The following UNC5D variants were observed in gnomAD, a reference collection of about 807,000 sequenced individuals.
UNC5D encodes netrin receptor UNC5D.
In UNC5D, 39 loss-of-function variants were observed where a neutral mutation model predicts 105.4. The observed-to-expected ratio is 0.37, with a 90% CI of 0.29 to 0.48. The LOEUF is 0.48. Ranked by LOEUF, UNC5D falls within the 20% of genes least tolerant of loss-of-function variation. The pLI, the probability that UNC5D is intolerant of heterozygous loss-of-function variation, is 0.98. For missense variants in UNC5D, 991 were observed against 1,202.4 expected (o/e 0.82, Z 2.60); for synonymous variants, 452 against 450.4 (o/e 1.00, Z -0.04).
At chr8:35,718,598 G>A (rs1828393420) in intron 8 of UNC5D, among the ~76,000 whole-genome samples, 1 of 152,268 alleles carries the variant, frequency 6.6e-6, no homozygotes, top group Admixed American at 6.5e-5. Context: ...GGCAGTTAGG[G>A]AAAACAAAGC....
intron 1 of UNC5D, among the ~76,000 whole-genome samples, chr8:35,354,228 G>T (rs1481165855): frequency 6.6e-6 from 1 of 152,002 alleles, no homozygotes; most frequent in East Asian, 1.9e-4. Flanking sequence ...AAATAAGCAG[G>T]TAATTTCTCT....
At chr8:35,543,184 A>T (rs1815392875) in intron 1 of UNC5D, among the ~76,000 whole-genome samples, 1 of 152,194 alleles carries the variant, frequency 6.6e-6, no homozygotes, top group Non-Finnish European at 1.5e-5. Context: ...TACACTTTGA[A>T]ACAAATACCA....
At chr8:35,457,793 A>G (rs955109075) in intron 1 of UNC5D, among the ~76,000 whole-genome samples, 2 of 152,130 alleles carry the variant, frequency 1.3e-5, no homozygotes, top group South Asian at 2.1e-4. Flanking sequence ...AGGACACTAG[A>G]TCTTACTTTC....
At chr8:35,523,655 T>G (rs1364735981) in intron 1 of UNC5D, among the ~76,000 whole-genome samples, 1 of 128,416 alleles carries the variant, frequency 7.8e-6, no homozygotes, top group Non-Finnish European at 1.6e-5. Context: ...AAAAAAAAAA[T>G]TTCATTTTGA....
chr8:35,305,571 C>CTTCTT (rs1563297572), intron 1 of UNC5D, among the ~76,000 whole-genome samples: 2 of 18,894 alleles, frequency 1.1e-4, no homozygotes, highest in Admixed American at 9.9e-4. Flanking sequence ...TCCTTTCTTT[C>CTTCTT]TTTCTTTTTC....
chr8:35,716,210 G>C (rs1828241392), intron 8 of UNC5D, among the ~76,000 whole-genome samples: 1 of 152,126 alleles, frequency 6.6e-6, no homozygotes, highest in East Asian at 1.9e-4. Context: ...CATTTTCCAA[G>C]TTACTAACTT....
At chr8:35,349,593 T>C (rs1812058798) in intron 1 of UNC5D, among the ~76,000 whole-genome samples, 1 of 151,978 alleles carries the variant, frequency 6.6e-6, no homozygotes, top group African/African-American at 2.4e-5. Context: ...AATTATAGTC[T>C]CATTATTTAT....
intron 1 of UNC5D, among the ~76,000 whole-genome samples, chr8:35,395,642 A>T (rs1804049671): frequency 6.6e-6 from 1 of 152,236 alleles, no homozygotes; most frequent in African/African-American, 2.4e-5. Context: ...AACTGCTCAG[A>T]ACTCACTTCT....
At chr8:35,473,240 T>G (rs1489567236) in intron 1 of UNC5D, among the ~76,000 whole-genome samples, 1 of 151,972 alleles carries the variant, frequency 6.6e-6, no homozygotes, top group Non-Finnish European at 1.5e-5. Flanking sequence ...TCCCAGAGGA[T>G]GGGGAGGGGA....
chr8:35,444,331 C>A (rs1807633805), intron 1 of UNC5D, among the ~76,000 whole-genome samples: 1 of 152,068 alleles, frequency 6.6e-6, no homozygotes, highest in Non-Finnish European at 1.5e-5. Context: ...CACGTTCAAT[C>A]TGAGATTACT....
At chr8:35,614,818 A>C (rs1403995561) in intron 4 of UNC5D, among the ~76,000 whole-genome samples, 1 of 152,152 alleles carries the variant, frequency 6.6e-6, no homozygotes, top group South Asian at 2.1e-4. Context: ...TTACTGAAAA[A>C]GAAAAGGAAA....
intron 1 of UNC5D, among the ~76,000 whole-genome samples, chr8:35,404,891 C>G (rs1458106347): frequency 6.6e-6 from 1 of 151,980 alleles, no homozygotes; most frequent in Non-Finnish European, 1.5e-5. Context: ...CGCCTGGGTC[C>G]CATGTGATTC....
At chr8:35,654,956 A>G (rs907568633) in intron 4 of UNC5D, among the ~76,000 whole-genome samples, 17 of 152,196 alleles carry the variant, frequency 1.1e-4, no homozygotes, top group Non-Finnish European at 1.6e-4. Flanking sequence ...GGGTGGTAAA[A>G]ATGATGCACA....
intron 4 of UNC5D, among the ~76,000 whole-genome samples, chr8:35,646,995 T>C (rs571779656): frequency 2.0e-5 from 3 of 152,232 alleles, no homozygotes; most frequent in Admixed American, 1.3e-4. Flanking sequence ...ATAATTGTAT[T>C]TCCTCAAACA....
intron 1 of UNC5D, among the ~76,000 whole-genome samples, chr8:35,539,854 GT>G (rs1286463081): frequency 1.3e-5 from 2 of 152,032 alleles, no homozygotes; most frequent in Non-Finnish European, 2.9e-5. Flanking sequence ...TTACAGTTTC[GT>G]TTTCCCTCTT....
chr8:35,271,420 C>G (rs1268146786), intron 1 of UNC5D, among the ~76,000 whole-genome samples: 2 of 123,048 alleles, frequency 1.6e-5, no homozygotes, highest in Admixed American at 8.5e-5. Context: ...TGTATACACA[C>G]ACATATGTGT....
intron 1 of UNC5D, among the ~76,000 whole-genome samples, chr8:35,295,277 T>C (rs1332087333): frequency 6.6e-6 from 1 of 152,220 alleles, no homozygotes; most frequent in Non-Finnish European, 1.5e-5. Flanking sequence ...TAGTAATTGC[T>C]AAAATGGATT....
At chr8:35,493,817 T>G (rs1002092897) in intron 1 of UNC5D, among the ~76,000 whole-genome samples, 3 of 152,160 alleles carry the variant, frequency 2.0e-5, no homozygotes, top group Non-Finnish European at 4.4e-5. Context: ...TCTCCGTATT[T>G]CCATGAATAA....
At chr8:35,385,214 T>A (rs1304081249) in intron 1 of UNC5D, among the ~76,000 whole-genome samples, 1 of 152,206 alleles carries the variant, frequency 6.6e-6, no homozygotes, top group Non-Finnish European at 1.5e-5. Context: ...TTACTCCTTA[T>A]GCTTGATTCT....
Sources: allele counts gnomAD v4.1 joint callset (sites outside exome capture counted in the v4.1 genomes callset), GRCh38; gene constraint gnomAD v4.1.1; transcripts MANE v1.5; gene names NCBI Gene and HGNC (gene_info 2026-07-23, HGNC 2026-07-21).